SORD: variants seen among roughly 807,000 people sequenced by gnomAD.
SORD encodes the protein sorbitol dehydrogenase.
In SORD, 18 loss-of-function variants were observed where a neutral mutation model predicts 35.6. That is an observed-to-expected ratio of 0.51 (90% CI 0.35 to 0.75). SORD has a LOEUF of 0.75. Ranked by LOEUF, SORD falls within the 30% of genes least tolerant of loss-of-function variation. SORD has a pLI of 0.01. For missense variants in SORD, 250 were observed against 390.2 expected, an observed-to-expected ratio of 0.64 and a Z score of 3.03; for synonymous variants, 106 against 152.9, an observed-to-expected ratio of 0.69 and a Z score of 2.26.
chr15:45,030,266 A>G (rs1033477858), intron 1 of SORD, among the ~76,000 whole-genome samples: 6 of 152,374 alleles, frequency 3.9e-5, no homozygotes, highest in East Asian at 1.9e-4. Context: ...GGATTTTACC[A>G]TTCCATAAAA....
rs777121587 is a variant in SORD, at chr15:45,023,241, G to A, written c.-43G>A. 2.0e-6 allele frequency: 3 copies of A among 1,500,810 alleles called. No individual in the cohort carries two copies. Among genetic ancestry groups the A allele is most frequent in the African/African-American group, 1.4e-5 (1 of 71,396 alleles). The allele number at this position is 1,500,810 out of a possible 1,614,324, so 93.0% of individuals were successfully genotyped here. On this transcript the variant is annotated 5_prime_UTR_variant, in exon 1 of 9. Transcript: ENST00000267814. Reference sequence around the variant, plus strand: ...GGTAGCGCCACCAGAGCGACCAAACGTCCCGCGCCTTCCAGGCCGCACTCC... The same window carrying A: ...GGTAGCGCCACCAGAGCGACCAAACATCCCGCGCCTTCCAGGCCGCACTCC...
At chr15:45,065,137 A>T in intron 4 of SORD, 134 bp from the exon 5 acceptor site, 1 of 747,158 alleles carries the variant, frequency 1.3e-6, no homozygotes, top group Non-Finnish European at 2.3e-6. Flanking sequence ...TGCTTAGCAC[A>T]TTGCTCTGCA....
intron 1 of SORD, among the ~76,000 whole-genome samples, chr15:45,025,716 T>TACTA (rs1248265335): frequency 1.3e-5 from 2 of 151,550 alleles, no homozygotes; most frequent in East Asian, 1.9e-4. Context: ...AGTGCAGGGA[T>TACTA]ACTATCAGGG....
At position 45,074,007 on chromosome 15, in the gene SORD, C is replaced by T. The variant is rs1365657870; in HGVS notation, c.*477C>T. 8.5e-6 allele frequency: 1 copy of T among 118,220 alleles called. No homozygotes were observed. The highest frequency in any genetic ancestry group is 3.8e-5 in the African/African-American group (1 of 26,282). The allele number at this position is 118,220 out of a possible 1,614,324, so 7.3% of individuals were successfully genotyped here. On this transcript the variant is annotated 3_prime_UTR_variant, in exon 9 of 9. Coordinates refer to ENST00000267814, the MANE Select transcript of SORD (RefSeq NM_003104.6). The stretch of plus-strand genomic sequence containing the variant: ...GCTTGTCAGCACTTCCAGTTTAGAA[C>T]GCAATGTTTCTAGAGACATATTGGC...
At chr15:45,059,032 T>G (rs1278740649) in intron 3 of SORD, among the ~76,000 whole-genome samples, 1 of 152,166 alleles carries the variant, frequency 6.6e-6, no homozygotes, top group Non-Finnish European at 1.5e-5. Context: ...AGTGCACTGA[T>G]TACACAGAGA....
intron 3 of SORD, among the ~76,000 whole-genome samples, chr15:45,055,516 A>C (rs1332270293): frequency 2.6e-5 from 4 of 152,220 alleles, no homozygotes; most frequent in African/African-American, 4.8e-5. Flanking sequence ...CCAACCAAAA[A>C]GAGTCCAGGA....
chr15:45,031,747 C>T (rs991809642), intron 1 of SORD, among the ~76,000 whole-genome samples: 502 of 149,362 alleles, frequency 3.4e-3, no homozygotes, highest in African/African-American at 0.011. Flanking sequence ...GTGAGCCATC[C>T]CGCCTGGCCT....
intron 1 of SORD, among the ~76,000 whole-genome samples, chr15:45,032,817 G>A (rs1243388111): frequency 6.6e-6 from 1 of 151,984 alleles, no homozygotes; most frequent in Non-Finnish European, 1.5e-5. Flanking sequence ...ATAGCCAATT[G>A]GGAAACCTTT....
At chr15:45,031,233 G>A (rs112652711) in intron 1 of SORD, among the ~76,000 whole-genome samples, 31,268 of 150,484 alleles carry the variant, frequency 0.21, 47 homozygotes, top group African/African-American at 0.45. Flanking sequence ...TAGGAGGATC[G>A]TTTGAGCCCA....
At chr15:45,023,763 C>T (rs1201232933) in intron 1 of SORD, among the ~76,000 whole-genome samples, 1 of 152,236 alleles carries the variant, frequency 6.6e-6, no homozygotes, top group African/African-American at 2.4e-5. Flanking sequence ...CACTTAGAAA[C>T]AGCAGAACTT....
rs142417981 is a variant in SORD at position 45,073,485 on chromosome 15, G to C, written c.1029G>C (p.Gly343=). Residue 343 remains glycine, a synonymous_variant, in exon 9 of 9, where the codon GGG becomes GGC. Transcript: ENST00000267814. ...EAFETFKKGL[G]LKIMLKCDPS... ...TTGAAACATTTAAAAAGGGATTGGGGTTGAAAATCATGCTCAAGTGTGACC... is the reference window on the plus strand; with the variant it reads ...TTGAAACATTTAAAAAGGGATTGGGCTTGAAAATCATGCTCAAGTGTGACC... 1.3e-6 allele frequency: 2 copies of C among 1,540,964 alleles called. No individual in the cohort carries two copies. Among genetic ancestry groups the C allele is most frequent in the South Asian group, 1.2e-5 (1 of 80,136 alleles).
intron 1 of SORD, among the ~76,000 whole-genome samples, chr15:45,034,885 G>A (rs907260791): frequency 2.6e-5 from 4 of 152,352 alleles, no homozygotes; most frequent in African/African-American, 9.6e-5. Context: ...CGGGCCAGCT[G>A]GAGTTCCGGG....
At chr15:45,046,753 C>G (rs944756769) in intron 3 of SORD, among the ~76,000 whole-genome samples, 1 of 152,192 alleles carries the variant, frequency 6.6e-6, no homozygotes, top group African/African-American at 2.4e-5. Context: ...CATAATAGCT[C>G]ACACCTATAA....
chr15:45,042,139 A>T (rs2141270084), intron 2 of SORD, among the ~76,000 whole-genome samples: 1 of 152,252 alleles, frequency 6.6e-6, no homozygotes, highest in Admixed American at 6.5e-5. Context: ...TGAGTCAGAG[A>T]TGATGGTACT....
At chr15:45,063,094 T>TG (rs2141122888) in intron 4 of SORD, among the ~76,000 whole-genome samples, 1 of 144,292 alleles carries the variant, frequency 6.9e-6, no homozygotes, top group Non-Finnish European at 1.5e-5. Context: ...GCAGTGGCAG[T>TG]GGGGGTGCTG....
At chr15:45,054,251 A>C (rs1262544944) in intron 3 of SORD, among the ~76,000 whole-genome samples, 1 of 152,202 alleles carries the variant, frequency 6.6e-6, no homozygotes, top group African/African-American at 2.4e-5. Context: ...ACTAGTTTAC[A>C]GTCCCACCAA....
intron 3 of SORD, among the ~76,000 whole-genome samples, chr15:45,048,236 T>C (rs1027230516): frequency 6.6e-6 from 1 of 152,210 alleles, no homozygotes; most frequent in African/African-American, 2.4e-5. Context: ...GTAATGCCCT[T>C]CTAGATACTA....
rs151103932 is a variant in SORD, at chr15:45,061,173, C to T, written c.372C>T (p.Pro124=). 430 of 1,612,940 alleles carry T rather than the reference C, an allele frequency of 2.7e-4. 4 individuals are homozygous for T. Among genetic ancestry groups the T allele is most frequent in the African/African-American group, 4.5e-4 (34 of 74,980 alleles). The change falls in exon 4 of 9, where the codon CCC becomes CCT. Residue 124 remains proline (P), a synonymous_variant. Transcript: ENST00000267814. ...SPSIFFCATP[P]DDGNLCRFYK... ...CCATCTTCTTCTGTGCCACGCCCCCCGATGACGGGAACCTCTGCCGGTTCT... is the reference window on the plus strand; with the variant it reads ...CCATCTTCTTCTGTGCCACGCCCCCTGATGACGGGAACCTCTGCCGGTTCT...
chr15:45,053,788 T>A, intron 3 of SORD, among the ~76,000 whole-genome samples: 1 of 143,890 alleles, frequency 6.9e-6, no homozygotes, highest in Non-Finnish European at 1.5e-5. Context: ...ATGCTATCCC[T>A]CCCCCATCCC....
Sources: allele counts gnomAD v4.1 joint callset (sites outside exome capture counted in the v4.1 genomes callset), GRCh38; gene constraint gnomAD v4.1.1; transcripts MANE v1.5; gene names NCBI Gene and HGNC (gene_info 2026-07-23, HGNC 2026-07-21).